EYS: variants seen among roughly 807,000 people sequenced by gnomAD.
EYS encodes EGF-like photoreceptor maintenance factor.
A neutral mutation model predicts 282.1 loss-of-function variants in EYS; 250 were observed. That is an observed-to-expected ratio of 0.89 (90% CI 0.80 to 0.98). The LOEUF (loss-of-function observed/expected upper bound fraction) is 0.98, where lower values mean the gene tolerates loss of function less well. Among genes scored for constraint, EYS ranks in the 50% least tolerant of loss-of-function variants. EYS has a pLI of 0.00. For missense variants in EYS, 4,016 were observed against 3,709.0 expected (o/e 1.08, Z -2.15); for synonymous variants, 1,355 against 1,282.9 (o/e 1.06, Z -1.20).
intron 28 of EYS, among the ~76,000 whole-genome samples, chr6:64,391,820 C>G (rs919190533): frequency 3.9e-5 from 6 of 152,150 alleles, no homozygotes; most frequent in African/African-American, 7.2e-5. Flanking sequence ...AATTAAAAGA[C>G]AAAGACTGGC....
intron 13 of EYS, among the ~76,000 whole-genome samples, chr6:65,052,827 G>C (rs1773312525): frequency 6.6e-6 from 1 of 151,582 alleles, no homozygotes; most frequent in Non-Finnish European, 1.5e-5. Context: ...ATTTGAAAGG[G>C]AGCCAGATTA....
At chr6:65,033,412 G>C (rs1772665091) in intron 13 of EYS, among the ~76,000 whole-genome samples, 1 of 152,130 alleles carries the variant, frequency 6.6e-6, no homozygotes, top group African/African-American at 2.4e-5. Context: ...GACCTTCATG[G>C]CAGTCACTCC....
chr6:65,203,023 C>T (rs543036), intron 12 of EYS, among the ~76,000 whole-genome samples: 10,757 of 152,232 alleles, frequency 0.071, 429 homozygotes, highest in African/African-American at 0.11. Context: ...CCCTCTCAAG[C>T]CACCTTAGTG....
intron 2 of EYS, among the ~76,000 whole-genome samples, chr6:65,611,488 TATAG>T (rs970101931): frequency 6.6e-6 from 1 of 152,046 alleles, no homozygotes; most frequent in Non-Finnish European, 1.5e-5. Flanking sequence ...GTTTTCTTTT[TATAG>T]ATAAATTCCT....
intron 12 of EYS, among the ~76,000 whole-genome samples, chr6:65,196,887 G>C (rs1268133430): frequency 6.6e-6 from 1 of 152,070 alleles, no homozygotes; most frequent in Non-Finnish European, 1.5e-5. Context: ...CTGGAGGATA[G>C]CAGAGGCCAG....
At chr6:65,153,123 G>A (rs564799742) in intron 12 of EYS, among the ~76,000 whole-genome samples, 24 of 151,686 alleles carry the variant, frequency 1.6e-4, no homozygotes, top group African/African-American at 5.8e-4. Flanking sequence ...CATCCATCTC[G>A]CGAGATTAAG....
At chr6:63,917,756 G>A (rs1764462567) in intron 35 of EYS, among the ~76,000 whole-genome samples, 1 of 152,176 alleles carries the variant, frequency 6.6e-6, no homozygotes, top group Non-Finnish European at 1.5e-5. Flanking sequence ...AATTTTTAGG[G>A]TAGACAGAAC....
At position 65,234,245 on chromosome 6, in the gene EYS, G is replaced by A. The variant is rs150653193; in HGVS notation, c.2023+61618C>T. Among the ~76,000 whole-genome samples the A allele has an allele frequency of 2.6e-4, 40 of 152,306 alleles. No homozygotes were observed. The East Asian group carries it at 7.5e-3, about 29-fold the overall frequency. On this transcript the variant is annotated intron_variant, in intron 12 of 42. Coordinates refer to ENST00000503581, the MANE Select transcript of EYS (RefSeq NM_001142800.2). Reference sequence around the variant, plus strand: ...CCTGCCACAGCATCAGAGCTGGGTGGAGGGAACCATTTTTTCTCAAAGTGG... The same window carrying A: ...CCTGCCACAGCATCAGAGCTGGGTGAAGGGAACCATTTTTTCTCAAAGTGG...
intron 26 of EYS, among the ~76,000 whole-genome samples, chr6:64,545,744 C>T (rs1446399316): frequency 6.6e-6 from 1 of 152,044 alleles, no homozygotes; most frequent in East Asian, 1.9e-4. Flanking sequence ...CACAAAGAGC[C>T]AAATCATGAG....
At position 64,283,100 on chromosome 6, in the gene EYS, T is replaced by C. The variant is rs1012582411; in HGVS notation, c.6191+23870A>G. Among the ~76,000 whole-genome samples the C allele has an allele frequency of 2.0e-5, 3 of 152,174 alleles. No homozygotes were observed. In the East Asian group the frequency reaches 5.8e-4, roughly 29 times the overall value. ...TCCATGTCCACTTCAGCTCCAGTGATAGTGTTACAGGAATATACAATCTTC... is the reference window on the plus strand; with the variant it reads ...TCCATGTCCACTTCAGCTCCAGTGACAGTGTTACAGGAATATACAATCTTC... On this transcript the variant is annotated intron_variant, in intron 30 of 42. Coordinates refer to ENST00000503581, the MANE Select transcript of EYS (RefSeq NM_001142800.2).
At chr6:64,841,526 C>A (rs1010194229) in intron 19 of EYS, among the ~76,000 whole-genome samples, 13 of 152,074 alleles carry the variant, frequency 8.5e-5, no homozygotes, top group African/African-American at 3.1e-4. Context: ...TAGAATAGTT[C>A]TTGGTCAACA....
intron 41 of EYS, among the ~76,000 whole-genome samples, chr6:63,732,291 A>AT (rs749609922): frequency 6.6e-6 from 1 of 152,122 alleles, no homozygotes; most frequent in Non-Finnish European, 1.5e-5. Flanking sequence ...CTCAATACAT[A>AT]TTTTTTATAT....
intron 35 of EYS, among the ~76,000 whole-genome samples, chr6:63,946,825 T>A (rs187905777): frequency 6.6e-6 from 1 of 151,786 alleles, no homozygotes; most frequent in African/African-American, 2.4e-5. Flanking sequence ...ACCAGATCTT[T>A]AAGGATTCTG....
At chr6:63,967,268 A>G (rs775778696) in intron 35 of EYS, among the ~76,000 whole-genome samples, 4 of 152,176 alleles carry the variant, frequency 2.6e-5, no homozygotes, top group Non-Finnish European at 4.4e-5. Context: ...AGTGTCCCCA[A>G]TTTAAAACTT....
At chr6:65,662,020 G>T (rs1768022576) in intron 1 of EYS, among the ~76,000 whole-genome samples, 1 of 152,002 alleles carries the variant, frequency 6.6e-6, no homozygotes, top group East Asian at 1.9e-4. Context: ...TTAGACAGTA[G>T]GGAAGAAACT....
intron 31 of EYS, among the ~76,000 whole-genome samples, chr6:64,226,459 T>C (rs932436668): frequency 1.2e-4 from 19 of 152,234 alleles, no homozygotes; most frequent in Middle Eastern, 3.4e-3. Flanking sequence ...GGTATGGGCC[T>C]GTTTAAAAAT....
intron 12 of EYS, among the ~76,000 whole-genome samples, chr6:65,286,198 G>T (rs2150279340): frequency 6.6e-6 from 1 of 151,810 alleles, no homozygotes; most frequent in South Asian, 2.1e-4. Flanking sequence ...TTTCTCAGTT[G>T]CTTGATAATT....
chr6:65,035,062 G>A (rs1311798022), intron 13 of EYS, among the ~76,000 whole-genome samples: 1 of 152,046 alleles, frequency 6.6e-6, no homozygotes, highest in Non-Finnish European at 1.5e-5. Flanking sequence ...TTCAACATAT[G>A]CCAATCAATA....
At chr6:63,875,660 G>A (rs1465280568) in intron 35 of EYS, among the ~76,000 whole-genome samples, 4 of 152,254 alleles carry the variant, frequency 2.6e-5, no homozygotes, top group East Asian at 3.9e-4. Context: ...CCTGTTATTG[G>A]TCTATTCAGG....
Sources: gnomAD v4.1 joint callset for allele counts (sites outside exome capture counted in the v4.1 genomes callset) on GRCh38, gnomAD v4.1.1 for gene constraint, MANE v1.5 for transcripts, NCBI Gene and HGNC (gene_info 2026-07-23, HGNC 2026-07-21) for gene names.